The following TRIM67 variants were observed in gnomAD, a reference collection of about 807,000 sequenced individuals.
TRIM67 encodes the protein tripartite motif containing 67, also known as tripartite motif-containing protein 67.
A neutral mutation model predicts 71.0 loss-of-function variants in TRIM67; 39 were observed. The observed-to-expected ratio is 0.55, with a 90% confidence interval of 0.43 to 0.72. TRIM67 has a LOEUF of 0.72. TRIM67 is among the 30% of genes least tolerant of loss of function. TRIM67 has a pLI of 0.00. For missense variants in TRIM67, 973 were observed against 1,079.2 expected, an observed-to-expected ratio of 0.90 and a Z score of 1.38; for synonymous variants, 481 against 473.9, an observed-to-expected ratio of 1.01 and a Z score of -0.19.
intron 2 of TRIM67, 99 bp downstream of exon 2, chr1:231,197,565 C>T (rs893413280): frequency 1.8e-6 from 2 of 1,097,586 alleles, no homozygotes; most frequent in East Asian, 2.5e-5. Context: ...GTGGCTCACA[C>T]CTGTAATCCC....
intron 1 of TRIM67, 123 bp downstream of exon 1, chr1:231,164,136 C>A: frequency 8.3e-7 from 1 of 1,203,256 alleles, no homozygotes; most frequent in Non-Finnish European, 1.1e-6. Flanking sequence ...AATTACCTCA[C>A]TCATTAGCCA....
intron 6 of TRIM67, 43 bp downstream of exon 6, chr1:231,204,055 T>C: frequency 6.2e-7 from 1 of 1,608,990 alleles, no homozygotes. Context: ...AGGGTACCAA[T>C]GCAGAGGCAG....
intron 1 of TRIM67, among the ~76,000 whole-genome samples, chr1:231,170,037 A>T (rs1571869062): frequency 7.3e-6 from 1 of 137,108 alleles, no homozygotes; most frequent in Non-Finnish European, 1.5e-5. Context: ...CCCAGGCTGG[A>T]GTGCAGTGGT....
In TRIM67 at chr1:231,199,037, C is replaced by A. The variant is rs372781535; in HGVS notation, c.1141-10C>A. On this transcript the variant is annotated splice_polypyrimidine_tract_variant and intron_variant, in intron 2 of 9. Coordinates refer to ENST00000366653, the MANE Select transcript of TRIM67 (RefSeq NM_001004342.5). ...TTGCTTCTTCCCAACCAACCCCCAA[C>A]CTCTGCCAGGAAAACGGACTGGACT... is the stretch of plus-strand genomic sequence containing the variant. 1.1e-4 allele frequency: 183 copies of A among 1,613,842 alleles called. No homozygotes were observed. Among genetic ancestry groups the A allele is most frequent in the Non-Finnish European group, 1.3e-4 (159 of 1,179,872 alleles).
chr1:231,206,931 C>T (rs988831701), intron 7 of TRIM67, 141 bp downstream of exon 7: 26 of 874,966 alleles, frequency 3.0e-5, no homozygotes, highest in Admixed American at 2.1e-4. Context: ...CAAGGGCGTG[C>T]CCTTCTGGGA....
rs921824296 is a variant in TRIM67, at chr1:231,163,032, C to T, written c.63C>T (p.Pro21=). The T allele has an allele frequency of 1.2e-6, 2 of 1,612,432 alleles. No homozygotes were observed. The highest frequency in any genetic ancestry group is 2.2e-5 in the East Asian group (1 of 44,790). ...TGTTTCGGGAGCCTATCATCCTGCC[C>T]TGTTCCCACAATGTCTGCCTGCCTT... ...GSLFREPIIL[P]CSHNVCLPCA... Residue 21 remains proline, a synonymous_variant, in exon 1 of 10, where the codon CCC becomes CCT. Transcript: ENST00000366653.
intron 1 of TRIM67, among the ~76,000 whole-genome samples, chr1:231,194,360 G>T (rs540519346): frequency 1.3e-5 from 2 of 152,188 alleles, no homozygotes; most frequent in Non-Finnish European, 2.9e-5. Context: ...GGGTGGAGTT[G>T]TCCTGGGCTC....
At position 231,201,340 on chromosome 1, in the gene TRIM67, T is replaced by C. The variant is rs745443790; in HGVS notation, c.1375-18T>C. Reference sequence around the variant, plus strand: ...TCCTTTGCAAAGCAAAACCTTAAACTCTTTGCTCCCCTTTAAGATCTCAGA... The same window carrying C: ...TCCTTTGCAAAGCAAAACCTTAAACCCTTTGCTCCCCTTTAAGATCTCAGA... On this transcript the variant is annotated intron_variant, in intron 4 of 9. Coordinates refer to ENST00000366653, the MANE Select transcript of TRIM67 (RefSeq NM_001004342.5). 2.5e-6 allele frequency: 4 copies of C among 1,607,102 alleles called. No individual in the cohort carries two copies. The highest frequency in any genetic ancestry group is 1.1e-5 in the South Asian group (1 of 89,728).
At chr1:231,195,880 C>T (rs563981334) in intron 1 of TRIM67, among the ~76,000 whole-genome samples, 195 of 152,334 alleles carry the variant, frequency 1.3e-3, no homozygotes, top group African/African-American at 4.5e-3. Context: ...TTCAACAAAT[C>T]GCCCAGTGAT....
At position 231,215,857 on chromosome 1, in the gene TRIM67, C is replaced by T. The variant is rs1571908213; in HGVS notation, c.*417C>T. The T allele has an allele frequency of 2.9e-5, 29 of 1,002,648 alleles. No homozygotes were observed. Among genetic ancestry groups the T allele is most frequent in the Admixed American group, 5.9e-5 (1 of 16,816 alleles). 62.1% of individuals were successfully genotyped at this position (1,002,648 alleles called of 1,614,324 possible). ...AGTCAGGAGCTGCGCTGTAATCCCA[C>T]GCCCCGGGTGTTGGCCCTCCGTGGG... is the stretch of plus-strand genomic sequence containing the variant. On this transcript the variant is annotated 3_prime_UTR_variant, in exon 10 of 10. Transcript: ENST00000366653.
chr1:231,194,566 G>A (rs562643257), intron 1 of TRIM67, among the ~76,000 whole-genome samples: 2 of 152,288 alleles, frequency 1.3e-5, no homozygotes, highest in South Asian at 4.1e-4. Flanking sequence ...TATCAGAGTT[G>A]TCCTTTTCCA....
intron 1 of TRIM67, among the ~76,000 whole-genome samples, chr1:231,166,457 C>A (rs750078219): frequency 2.0e-5 from 3 of 152,196 alleles, no homozygotes; most frequent in Admixed American, 6.5e-5. Context: ...GTGAGGGTGG[C>A]TACTTTTGAA....
At chr1:231,210,510 G>A (rs1683838014) in intron 8 of TRIM67, among the ~76,000 whole-genome samples, 1 of 151,170 alleles carries the variant, frequency 6.6e-6, no homozygotes, top group South Asian at 2.1e-4. Flanking sequence ...CCCGGACACT[G>A]CAGGCTGGCC....
chr1:231,185,524 G>A (rs1179720752), intron 1 of TRIM67, among the ~76,000 whole-genome samples: 1 of 151,766 alleles, frequency 6.6e-6, no homozygotes, highest in Admixed American at 6.6e-5. Context: ...GTGAGAAGTG[G>A]GATCCCTAGT....
At chr1:231,200,299 A>G (rs905438970) in intron 4 of TRIM67, 41 bp downstream of exon 4, 2 of 1,321,890 alleles carry the variant, frequency 1.5e-6, no homozygotes, top group African/African-American at 2.9e-5. Context: ...GCTTCCTCCA[A>G]CTGTCCCACT....
At chr1:231,165,200 T>G (rs972088401) in intron 1 of TRIM67, among the ~76,000 whole-genome samples, 1 of 152,172 alleles carries the variant, frequency 6.6e-6, no homozygotes, top group Non-Finnish European at 1.5e-5. Context: ...CATTCTACAG[T>G]GCACAGGAAA....
intron 1 of TRIM67, among the ~76,000 whole-genome samples, chr1:231,168,368 CTG>C (rs1455674598): frequency 2.0e-5 from 3 of 152,198 alleles, no homozygotes; most frequent in African/African-American, 7.2e-5. Flanking sequence ...GGGTTGTTTT[CTG>C]TCTTTTGCTG....
chr1:231,181,117 C>T (rs942246491), intron 1 of TRIM67, among the ~76,000 whole-genome samples: 9 of 152,154 alleles, frequency 5.9e-5, no homozygotes, highest in Admixed American at 4.6e-4. Context: ...AGGCATGCAC[C>T]GCCATGTCCA....
Position 231,209,985 on chromosome 1 carries a change from C to A in TRIM67, c.2123+735C>A, listed in dbSNP as rs546986171. ...GTGCCTTGGTCTCTCTCCTCAGACA[C>A]AAAGAAGGCAGTGCCCCCCCAACAC... On this transcript the variant is annotated intron_variant, in intron 8 of 9. Coordinates refer to ENST00000366653, the MANE Select transcript of TRIM67 (RefSeq NM_001004342.5). The surrounding 1 kb of genome is among the most constrained non-coding windows in gnomAD (Gnocchi z 4.1). Among the ~76,000 whole-genome samples the A allele has an allele frequency of 6.6e-6, 1 of 152,246 alleles. No homozygotes were observed. Among genetic ancestry groups the A allele is most frequent in the African/African-American group, 2.4e-5 (1 of 41,538 alleles).
Sources: allele counts gnomAD v4.1 joint callset (sites outside exome capture counted in the v4.1 genomes callset), GRCh38; gene constraint gnomAD v4.1.1; non-coding constraint Gnocchi (gnomAD v3.1); transcripts MANE v1.5; gene names NCBI Gene and HGNC (gene_info 2026-07-23, HGNC 2026-07-21).